TRPM3: variants seen among roughly 807,000 people sequenced by gnomAD.
The protein encoded by TRPM3 is long transient receptor potential channel 3.
Under a neutral mutation model 181.2 loss-of-function variants are expected in TRPM3, and 77 were observed. That is an observed-to-expected ratio of 0.42 (90% confidence interval 0.35 to 0.51). The LOEUF (loss-of-function observed/expected upper bound fraction) is 0.51, where lower values mean the gene tolerates loss of function less well. Ranked by LOEUF, TRPM3 falls within the 20% of genes least tolerant of loss-of-function variation. TRPM3 has a pLI of 0.01. For missense variants in TRPM3, 1,759 were observed against 2,196.7 expected, an observed-to-expected ratio of 0.80 and a Z score of 3.98; for synonymous variants, 745 against 796.4, an observed-to-expected ratio of 0.94 and a Z score of 1.09.
chr9:70,607,193 A>G (rs1022091722), intron 19 of TRPM3, among the ~76,000 whole-genome samples: 1 of 152,194 alleles, frequency 6.6e-6, no homozygotes, highest in Non-Finnish European at 1.5e-5. Flanking sequence ...GTGAGGTTAT[A>G]TGGAAATGAA....
At chr9:71,228,588 C>T (rs1018305305) in intron 1 of TRPM3, among the ~76,000 whole-genome samples, 2 of 152,150 alleles carry the variant, frequency 1.3e-5, no homozygotes, top group Admixed American at 1.3e-4. Flanking sequence ...AAAGACTTCA[C>T]CAGAAAACTT....
At chr9:71,402,640 T>C (rs2082239) in intron 1 of TRPM3, among the ~76,000 whole-genome samples, 1 of 152,308 alleles carries the variant, frequency 6.6e-6, no homozygotes. Flanking sequence ...ATAAAAAAAC[T>C]GTTTATATTG....
At chr9:70,913,838 C>T (rs2096563322) in intron 1 of TRPM3, among the ~76,000 whole-genome samples, 1 of 152,156 alleles carries the variant, frequency 6.6e-6, no homozygotes, top group African/African-American at 2.4e-5. Flanking sequence ...ATAAAAATTG[C>T]TAAGCATACA....
chr9:71,426,370 T>C (rs2093863623), intron 1 of TRPM3, among the ~76,000 whole-genome samples: 1 of 152,032 alleles, frequency 6.6e-6, no homozygotes, highest in Non-Finnish European at 1.5e-5. Context: ...TTTTACATAT[T>C]ACCTAACTTG....
At chr9:70,768,037 T>C (rs1419713504) in intron 7 of TRPM3, among the ~76,000 whole-genome samples, 1 of 152,190 alleles carries the variant, frequency 6.6e-6, no homozygotes, top group Non-Finnish European at 1.5e-5. Flanking sequence ...AAGGAATATA[T>C]TAATGGTGAT....
At chr9:70,952,148 T>C (rs1044911522) in intron 1 of TRPM3, among the ~76,000 whole-genome samples, 5 of 152,210 alleles carry the variant, frequency 3.3e-5, no homozygotes, top group Admixed American at 2.6e-4. Flanking sequence ...AAGACTCTAA[T>C]ATTTGATGAA....
chr9:71,374,452 TAAG>T (rs1185713148), intron 1 of TRPM3, among the ~76,000 whole-genome samples: 1 of 151,988 alleles, frequency 6.6e-6, no homozygotes, highest in Non-Finnish European at 1.5e-5. Flanking sequence ...TACCTCAAAG[TAAG>T]AAGAAGCATA....
chr9:71,252,888 T>C (rs968085916), intron 1 of TRPM3, among the ~76,000 whole-genome samples: 5 of 140,664 alleles, frequency 3.6e-5, no homozygotes, highest in African/African-American at 1.0e-4. Flanking sequence ...AGTCTTTCAA[T>C]GTTGCCCAGG....
chr9:70,858,303 C>A (rs990647121), intron 3 of TRPM3, among the ~76,000 whole-genome samples: 2 of 152,114 alleles, frequency 1.3e-5, no homozygotes, highest in African/African-American at 4.8e-5. Context: ...ATTAACCATG[C>A]CTTCCCCATG....
chr9:71,067,921 G>C (rs1353919617), intron 1 of TRPM3, among the ~76,000 whole-genome samples: 1 of 152,122 alleles, frequency 6.6e-6, no homozygotes, highest in Admixed American at 6.5e-5. Flanking sequence ...AGGGTGCTAG[G>C]CAATGTTGGT....
intron 19 of TRPM3, among the ~76,000 whole-genome samples, chr9:70,606,318 C>G (rs1167554935): frequency 6.6e-6 from 1 of 152,088 alleles, no homozygotes; most frequent in Non-Finnish European, 1.5e-5. Context: ...CTTTGATCCC[C>G]AATTAACTGT....
chr9:70,890,022 T>C (rs905669999), intron 1 of TRPM3, among the ~76,000 whole-genome samples: 2 of 148,118 alleles, frequency 1.4e-5, no homozygotes, highest in African/African-American at 4.9e-5. Flanking sequence ...ATATAGCATA[T>C]ATAAATATAT....
At chr9:71,025,160 C>T (rs1262358147) in intron 1 of TRPM3, among the ~76,000 whole-genome samples, 1 of 152,208 alleles carries the variant, frequency 6.6e-6, no homozygotes, top group East Asian at 1.9e-4. Flanking sequence ...ATGCAATACT[C>T]ATTCCCCCAA....
intron 1 of TRPM3, among the ~76,000 whole-genome samples, chr9:71,050,006 C>T (rs897341803): frequency 4.6e-5 from 7 of 152,036 alleles, no homozygotes; most frequent in Admixed American, 4.6e-4. Context: ...TCTTACCATT[C>T]ACACACACAT....
chr9:70,755,169 C>T (rs1366900868), intron 8 of TRPM3, among the ~76,000 whole-genome samples: 1 of 151,950 alleles, frequency 6.6e-6, no homozygotes, highest in African/African-American at 2.4e-5. Flanking sequence ...ATACAGAGAA[C>T]ACCACAAAGA....
intron 1 of TRPM3, among the ~76,000 whole-genome samples, chr9:71,433,665 C>A (rs1194988067): frequency 6.6e-6 from 1 of 152,186 alleles, no homozygotes; most frequent in Non-Finnish European, 1.5e-5. Context: ...AACTTTCCCA[C>A]AGATACAAAT....
At position 70,552,878 on chromosome 9, in the gene TRPM3, G is replaced by T. The variant is rs776099539; in HGVS notation, c.3540C>A (p.His1180Gln). Reference protein sequence around the residue: ...FQHLCCRWRKHESDPDERDYG... With the variant: ...FQHLCCRWRKQESDPDERDYG... ...AGTCCCTTTCATCCGGGTCGCTCTC[G>T]TGTTTCCTCCATCGGCAGCACAGGT... Residue 1180 changes from histidine to glutamine, a missense_variant, in exon 24 of 26, where the codon CAC becomes CAA. Transcript: ENST00000677713. 14 of 1,614,058 alleles carry T rather than the reference G, an allele frequency of 8.7e-6. 1 individual carries two copies. In the East Asian group the frequency reaches 2.9e-4, roughly 33 times the overall value.
intron 1 of TRPM3, among the ~76,000 whole-genome samples, chr9:70,901,336 T>C (rs2096383342): frequency 6.6e-6 from 1 of 152,194 alleles, no homozygotes; most frequent in African/African-American, 2.4e-5. Context: ...AAACCTCCCT[T>C]GAGGAAGCTC....
At chr9:70,665,507 A>G (rs1344579761) in intron 9 of TRPM3, among the ~76,000 whole-genome samples, 1 of 152,162 alleles carries the variant, frequency 6.6e-6, no homozygotes, top group East Asian at 1.9e-4. Context: ...TTGTCAACCT[A>G]TCCAAATAGA....
Sources: gnomAD v4.1 joint callset for allele counts (sites outside exome capture counted in the v4.1 genomes callset) on GRCh38, gnomAD v4.1.1 for gene constraint, MANE v1.5 for transcripts, NCBI Gene and HGNC (gene_info 2026-07-23, HGNC 2026-07-21) for gene names.